CTNNA3: variants seen among roughly 807,000 people sequenced by gnomAD.
CTNNA3 encodes the protein catenin alpha 3.
Under a neutral mutation model 95.7 loss-of-function variants are expected in CTNNA3, and 76 were observed. The observed-to-expected ratio is 0.79, with a 90% confidence interval of 0.66 to 0.96. The LOEUF is 0.96. Among genes scored for constraint, CTNNA3 ranks in the 40% least tolerant of loss-of-function variants. CTNNA3 has a pLI of 0.00. For missense variants in CTNNA3, 1,191 were observed against 1,089.8 expected, an observed-to-expected ratio of 1.09 and a Z score of -1.31; for synonymous variants, 431 against 374.4, an observed-to-expected ratio of 1.15 and a Z score of -1.74.
At chr10:66,319,228 A>T (rs985003704) in intron 12 of CTNNA3, among the ~76,000 whole-genome samples, 2 of 152,092 alleles carry the variant, frequency 1.3e-5, no homozygotes, top group African/African-American at 4.8e-5. Flanking sequence ...ATTCTCCCTT[A>T]TTCATGTTTT....
Position 67,451,147 on chromosome 10 carries a change from C to G in CTNNA3, c.579+70695G>C, listed in dbSNP as rs1471886958. ...AGGATAAGTTTGGCCCCCACTTTCT[C>G]TTCATCTAGGGTACTCACTTCCACC... On this transcript the variant is annotated intron_variant, in intron 5 of 17. Transcript: ENST00000433211. Among the ~76,000 whole-genome samples the G allele has an allele frequency of 2.0e-5, 3 of 152,048 alleles. No individual in the cohort carries two copies. In the East Asian group the frequency reaches 5.8e-4, roughly 29 times the overall value.
chr10:66,516,440 G>A (rs368792737), intron 11 of CTNNA3, among the ~76,000 whole-genome samples: 16 of 152,182 alleles, frequency 1.1e-4, no homozygotes, highest in South Asian at 6.2e-4. Context: ...TAGTAATAAA[G>A]GTTAAATTGT....
intron 5 of CTNNA3, among the ~76,000 whole-genome samples, chr10:67,435,325 A>G (rs1846265943): frequency 6.6e-6 from 1 of 152,052 alleles, no homozygotes; most frequent in Admixed American, 6.6e-5. Flanking sequence ...CTGAATTTGA[A>G]CATACCTTAA....
intron 10 of CTNNA3, among the ~76,000 whole-genome samples, chr10:66,592,230 T>C (rs1243740951): frequency 6.6e-6 from 1 of 151,822 alleles, no homozygotes; most frequent in East Asian, 2.0e-4. Context: ...ATAATACTTT[T>C]CATAGGATTG....
At position 67,036,767 on chromosome 10, in the gene CTNNA3, A is replaced by T. The variant is rs185985334; in HGVS notation, c.1047+143550T>A. 3.5e-3 allele frequency among the ~76,000 whole-genome samples: 538 copies of T among 152,332 alleles called. 3 individuals carry two copies. The highest frequency in any genetic ancestry group is 0.012 in the African/African-American group (493 of 41,566). On this transcript the variant is annotated intron_variant, in intron 7 of 17. Coordinates refer to ENST00000433211, the MANE Select transcript of CTNNA3 (RefSeq NM_013266.4). ...ATTATCTTTTTTCAATTCTAGAGAT[A>T]CAACAGTGAGCAGAGACAAAAGTTT...
At chr10:67,208,151 T>A (rs1468019419) in intron 6 of CTNNA3, among the ~76,000 whole-genome samples, 1 of 151,970 alleles carries the variant, frequency 6.6e-6, no homozygotes, top group East Asian at 1.9e-4. Context: ...GGTGGGTGGA[T>A]CACGAGGTCA....
intron 15 of CTNNA3, among the ~76,000 whole-genome samples, chr10:66,031,692 C>T (rs912000108): frequency 5.9e-5 from 9 of 152,282 alleles, no homozygotes; most frequent in South Asian, 2.1e-4. Flanking sequence ...CATATCTGCA[C>T]ATGTCCTGAA....
At chr10:66,675,968 G>A (rs1389933330) in intron 9 of CTNNA3, among the ~76,000 whole-genome samples, 1 of 152,122 alleles carries the variant, frequency 6.6e-6, no homozygotes, top group South Asian at 2.1e-4. Flanking sequence ...ACCAAAGAGA[G>A]GTGCAAGGTC....
intron 7 of CTNNA3, among the ~76,000 whole-genome samples, chr10:67,179,017 A>G (rs553554189): frequency 1.1e-4 from 17 of 152,132 alleles, no homozygotes; most frequent in Non-Finnish European, 2.1e-4. Flanking sequence ...GTCATCAAAT[A>G]TTAAGAGTAT....
chr10:66,328,197 T>G (rs2092279556), intron 12 of CTNNA3, among the ~76,000 whole-genome samples: 1 of 152,140 alleles, frequency 6.6e-6, no homozygotes, highest in Non-Finnish European at 1.5e-5. Flanking sequence ...TGCTGACAGC[T>G]TTTAGCATAT....
chr10:66,751,442 G>A (rs1040524098), intron 9 of CTNNA3, among the ~76,000 whole-genome samples: 6 of 152,122 alleles, frequency 3.9e-5, no homozygotes, highest in African/African-American at 9.7e-5. Flanking sequence ...ATCTACAAAC[G>A]AAGACAGTTT....
At chr10:66,566,875 T>C (rs1289355985) in intron 10 of CTNNA3, among the ~76,000 whole-genome samples, 1 of 151,308 alleles carries the variant, frequency 6.6e-6, no homozygotes, top group Non-Finnish European at 1.5e-5. Flanking sequence ...TCTGCTTTAC[T>C]ACTTTTCTGA....
At chr10:66,175,851 T>C (rs2085679045) in intron 13 of CTNNA3, among the ~76,000 whole-genome samples, 2 of 152,144 alleles carry the variant, frequency 1.3e-5, no homozygotes, top group Admixed American at 6.6e-5. Flanking sequence ...TTATCATGGG[T>C]TAAACTTATG....
chr10:65,989,986 C>T (rs2078506608), intron 15 of CTNNA3, among the ~76,000 whole-genome samples: 1 of 152,090 alleles, frequency 6.6e-6, no homozygotes. Flanking sequence ...ACTTATTTCA[C>T]TTAGCATAAC....
At chr10:66,791,874 G>T (rs1840982848) in intron 7 of CTNNA3, among the ~76,000 whole-genome samples, 1 of 152,072 alleles carries the variant, frequency 6.6e-6, no homozygotes, top group Non-Finnish European at 1.5e-5. Flanking sequence ...ATATCGTTGG[G>T]TTATATACTA....
chr10:66,096,446 TTC>T (rs1165407660), intron 14 of CTNNA3, among the ~76,000 whole-genome samples: 5 of 152,122 alleles, frequency 3.3e-5, no homozygotes, highest in Non-Finnish European at 5.9e-5. Flanking sequence ...ATGTATTTTT[TTC>T]TCTTTTTTTA....
intron 11 of CTNNA3, among the ~76,000 whole-genome samples, chr10:66,509,266 A>G (rs1200304771): frequency 1.3e-5 from 2 of 152,076 alleles, no homozygotes; most frequent in African/African-American, 4.8e-5. Flanking sequence ...TGAGTTCATT[A>G]TATATCATGG....
chr10:66,882,179 T>A (rs915989630), intron 7 of CTNNA3, among the ~76,000 whole-genome samples: 4 of 151,990 alleles, frequency 2.6e-5, no homozygotes, highest in Non-Finnish European at 4.4e-5. Context: ...TTCTTAGGGG[T>A]CTTTGGTGGG....
chr10:66,311,081 C>A (rs2092014412), intron 12 of CTNNA3, among the ~76,000 whole-genome samples: 1 of 152,144 alleles, frequency 6.6e-6, no homozygotes, highest in African/African-American at 2.4e-5. Context: ...CAGTGTATCC[C>A]AGAATCACTA....
Sources: allele counts gnomAD v4.1 joint callset (sites outside exome capture counted in the v4.1 genomes callset), GRCh38; gene constraint gnomAD v4.1.1; transcripts MANE v1.5; gene names NCBI Gene and HGNC (gene_info 2026-07-23, HGNC 2026-07-21).